Variants in TAF10 observed in about 807,000 individuals in gnomAD.
TAF10 encodes the protein transcription initiation factor TFIID subunit 10.
A neutral mutation model predicts 18.1 loss-of-function variants in TAF10; 2 were observed. The observed-to-expected ratio is 0.11, with a 90% CI of 0.05 to 0.35. TAF10 has a LOEUF of 0.35. Among genes scored for constraint, TAF10 ranks in the 10% least tolerant of loss-of-function variants. The pLI is 1.00. For synonymous variants in TAF10, 158 were observed against 134.6 expected, an observed-to-expected ratio of 1.17 and a Z score of -1.20; for missense variants, 293 against 306.9, an observed-to-expected ratio of 0.95 and a Z score of 0.34.
Position 6,610,890 on chromosome 11 carries a change from G to A in TAF10, c.*32C>T, listed in dbSNP as rs754287325. On this transcript the variant is annotated 3_prime_UTR_variant, in exon 5 of 5. Transcript: ENST00000299424. Reference sequence around the variant, plus strand: ...TGAAAACAGGCTGGTGTGGGGACATGGGGACAGATAAGTACATTTAGGTTG... The same window carrying A: ...TGAAAACAGGCTGGTGTGGGGACATAGGGACAGATAAGTACATTTAGGTTG... 6.2e-7 allele frequency: 1 copy of A among 1,609,320 alleles called. No individual in the cohort carries two copies. The highest frequency in any genetic ancestry group is 1.1e-5 in the South Asian group (1 of 90,960).
Position 6,609,974 on chromosome 11 carries a change from T to C in TAF10, c.*948A>G, listed in dbSNP as rs1241407296. On this transcript the variant is annotated 3_prime_UTR_variant, in exon 5 of 5. Transcript: ENST00000299424. ...TGACTGCCCGAATTAGCATGGCTGA[T>C]GTCAAGTTCTCTTTCCAATGTCCTG... 1 of 1,614,206 alleles carries C rather than the reference T, an allele frequency of 6.2e-7. No individual in the cohort carries two copies. The highest frequency in any genetic ancestry group is 1.7e-5 in the Admixed American group (1 of 60,032).
At chr11:6,611,845 A>C in intron 1 of TAF10, 27 bp from the exon 2 acceptor site, 1 of 1,597,940 alleles carries the variant, frequency 6.3e-7, no homozygotes, top group Non-Finnish European at 8.5e-7. Flanking sequence ...AAAATGAGAC[A>C]CAGAGGTGGG....
Position 6,608,303 on chromosome 11 carries a change from C to G in TAF10, c.*2619G>C. On this transcript the variant is annotated 3_prime_UTR_variant, in exon 5 of 5. Coordinates refer to ENST00000299424, the MANE Select transcript of TAF10 (RefSeq NM_006284.4). The surrounding 1 kb of genome is among the most constrained non-coding windows in gnomAD (Gnocchi z 4.9). ...ACATACAGTAGAAAGCATGTGTGCT[C>G]TTCCCCCTTTTCCCATGCCCTGACA... The G allele has an allele frequency of 6.4e-7, 1 of 1,559,958 alleles. No homozygotes were observed. Among genetic ancestry groups the G allele is most frequent in the Non-Finnish European group, 8.8e-7 (1 of 1,130,670 alleles).
In TAF10 at chr11:6,610,780, G is replaced by A; in HGVS notation, c.*142C>T. 7.6e-7 allele frequency: 1 copy of A among 1,322,780 alleles called. No individual in the cohort carries two copies. The highest frequency in any genetic ancestry group is 1.1e-6 in the Non-Finnish European group (1 of 931,788). The allele number at this position is 1,322,780 out of a possible 1,614,324, so 81.9% of individuals were successfully genotyped here. On this transcript the variant is annotated 3_prime_UTR_variant, in exon 5 of 5. Coordinates refer to ENST00000299424, the MANE Select transcript of TAF10 (RefSeq NM_006284.4). The stretch of plus-strand genomic sequence containing the variant: ...TCCCTACCACTGTGGCCCCAAGAGG[G>A]GCGGGCTCAGAGCTTTGTCACTTGC...
At position 6,608,069 on chromosome 11, in the gene TAF10, T is replaced by C; in HGVS notation, c.*2853A>G. On this transcript the variant is annotated 3_prime_UTR_variant, in exon 5 of 5. Coordinates refer to ENST00000299424, the MANE Select transcript of TAF10 (RefSeq NM_006284.4). This position sits in a 1 kb window ranked among gnomAD's most constrained non-coding sequence, Gnocchi z 4.9. ...AGGGACGATCATGGCTTCTCCCCCT[T>C]GCACTGGGCCTGCCGAGAGGGCCGC... 2 of 1,614,056 alleles carry C rather than the reference T, an allele frequency of 1.2e-6. No homozygotes were observed. The highest frequency in any genetic ancestry group is 1.1e-5 in the South Asian group (1 of 91,076).
rs751035884 is a variant in TAF10, at chr11:6,609,746, G to A, written c.*1176C>T. On this transcript the variant is annotated 3_prime_UTR_variant, in exon 5 of 5. Coordinates refer to ENST00000299424, the MANE Select transcript of TAF10 (RefSeq NM_006284.4). The stretch of plus-strand genomic sequence containing the variant: ...CAGATTTCGTCGTGGACCAGAGCCA[G>A]GCTGTGAAGTTTGCTTTGGACATGG... 4 of 1,614,096 alleles carry A rather than the reference G, an allele frequency of 2.5e-6. No individual in the cohort carries two copies. The African/African-American group carries it at 5.3e-5, about 22-fold the overall frequency.
At position 6,609,908 on chromosome 11, in the gene TAF10, C is replaced by T. The variant is rs1179375193; in HGVS notation, c.*1014G>A. On this transcript the variant is annotated 3_prime_UTR_variant, in exon 5 of 5. Transcript: ENST00000299424. ...AGCCCTTTGCCTATCTATGACTTAC[C>T]TCCTTCTATCTGTTTTCTCTTCCTC... 2 of 1,614,174 alleles carry T rather than the reference C, an allele frequency of 1.2e-6. No homozygotes were observed. Among genetic ancestry groups the T allele is most frequent in the South Asian group, 1.1e-5 (1 of 91,084 alleles).
Position 6,608,967 on chromosome 11 carries a change from CG to C in TAF10, c.*1954del. ...GAAGGGGACCACCCGCACTCGGCCCCGTGAGTCACCACTGTGGGAAGAAGGG... is the reference window on the plus strand; with the variant it reads ...GAAGGGGACCACCCGCACTCGGCCCCTGAGTCACCACTGTGGGAAGAAGGG... On this transcript the variant is annotated 3_prime_UTR_variant, in exon 5 of 5. Coordinates refer to ENST00000299424, the MANE Select transcript of TAF10 (RefSeq NM_006284.4). This position sits in a 1 kb window ranked among gnomAD's most constrained non-coding sequence, Gnocchi z 4.9. 1 of 1,614,088 alleles carries C rather than the reference CG, an allele frequency of 6.2e-7. No individual in the cohort carries two copies. The highest frequency in any genetic ancestry group is 8.5e-7 in the Non-Finnish European group (1 of 1,179,948).
chr11:6,610,921 C>T lies in TAF10; in HGVS notation c.*1G>A. Reference sequence around the variant, plus strand: ...AGATAAGTACATTTAGGTTGGGTGGCTCAGGTGAAGTAGTGCGGCTTCTTC... The same window carrying T: ...AGATAAGTACATTTAGGTTGGGTGGTTCAGGTGAAGTAGTGCGGCTTCTTC... On this transcript the variant is annotated 3_prime_UTR_variant, in exon 5 of 5. Transcript: ENST00000299424. 6.2e-7 allele frequency: 1 copy of T among 1,614,176 alleles called. No homozygotes were observed. The highest frequency in any genetic ancestry group is 8.5e-7 in the Non-Finnish European group (1 of 1,180,018).
Position 6,609,393 on chromosome 11 carries a change from A to G in TAF10, c.*1529T>C, listed in dbSNP as rs914470282. ...AGGAAGAGCAGGGACTTCAATGAAG[A>G]GTGTCCCCGGCTCAGGTAGTGCAAG... On this transcript the variant is annotated 3_prime_UTR_variant, in exon 5 of 5. Transcript: ENST00000299424. The G allele has an allele frequency of 6.2e-7, 1 of 1,613,850 alleles. No individual in the cohort carries two copies. The highest frequency in any genetic ancestry group is 8.5e-7 in the Non-Finnish European group (1 of 1,179,962).
Position 6,611,417 on chromosome 11 carries a change from A to G in TAF10, c.423T>C (p.Arg141=). 6.2e-7 allele frequency: 1 copy of G among 1,614,198 alleles called. No individual in the cohort carries two copies. ...GTGGGTCTGAGGCCTCAAAGCCAGCACGGTTCAGGTAGTAACCAGTCACTG... is the reference window on the plus strand; with the variant it reads ...GTGGGTCTGAGGCCTCAAAGCCAGCGCGGTTCAGGTAGTAACCAGTCACTG... ...PDAVTGYYLN[R]AGFEASDPRI... The change falls in exon 3 of 5, where the codon CGT becomes CGC. Residue 141 remains arginine (R), a synonymous_variant. Coordinates refer to ENST00000299424, the MANE Select transcript of TAF10 (RefSeq NM_006284.4).
Position 6,608,823 on chromosome 11 carries a change from T to C in TAF10, c.*2099A>G. ...TCCCCATCCCCTAGCTTGTGTCCTC[T>C]CGTCCCTTCCCACCTGTCTTCTCCC... On this transcript the variant is annotated 3_prime_UTR_variant, in exon 5 of 5. Transcript: ENST00000299424. This position sits in a 1 kb window ranked among gnomAD's most constrained non-coding sequence, Gnocchi z 4.9. The C allele has an allele frequency of 6.2e-7, 1 of 1,612,780 alleles. No individual in the cohort carries two copies. Among genetic ancestry groups the C allele is most frequent in the South Asian group, 1.1e-5 (1 of 91,064 alleles).
rs374150673 is a variant in TAF10 at position 6,610,296 on chromosome 11, T to C, written c.*626A>G. On this transcript the variant is annotated 3_prime_UTR_variant, in exon 5 of 5. Transcript: ENST00000299424. ...GAATGAAGGTGAGAGCACAACAGCA[T>C]ACATTTGTGTTGCGGGAGTGGTTGG... 4.3e-6 allele frequency: 7 copies of C among 1,614,010 alleles called. No homozygotes were observed. Among genetic ancestry groups the C allele is most frequent in the African/African-American group, 4.0e-5 (3 of 74,946 alleles).
rs1855377366 is a variant in TAF10 at position 6,610,354 on chromosome 11, T to A, written c.*568A>T. ...GAAAATAACTGTAGTGGGCCTTGGC[T>A]CCTCACATATTTGTTCGGATATACA... On this transcript the variant is annotated 3_prime_UTR_variant, in exon 5 of 5. Transcript: ENST00000299424. 6.2e-7 allele frequency: 1 copy of A among 1,613,038 alleles called. No individual in the cohort carries two copies. The highest frequency in any genetic ancestry group is 1.7e-5 in the Admixed American group (1 of 60,008).
Position 6,611,018 on chromosome 11 carries a change from G to T in TAF10, c.568-7C>A. On this transcript the variant is annotated splice_polypyrimidine_tract_variant and splice_region_variant and intron_variant, in intron 4 of 4. Transcript: ENST00000299424. ...TTAGAGTGTACTTGCGGTCCTGAGG[G>T]AAGAGGGAAGAGCACCAACTGAGCA... 15 of 1,613,832 alleles carry T rather than the reference G, an allele frequency of 9.3e-6. No individual in the cohort carries two copies. The highest frequency in any genetic ancestry group is 1.2e-5 in the Non-Finnish European group (14 of 1,179,944).
At position 6,608,109 on chromosome 11, in the gene TAF10, G is replaced by C; in HGVS notation, c.*2813C>G. 2 of 1,614,198 alleles carry C rather than the reference G, an allele frequency of 1.2e-6. No homozygotes were observed. Among genetic ancestry groups the C allele is most frequent in the South Asian group, 2.2e-5 (2 of 91,088 alleles). Reference sequence around the variant, plus strand: ...GAGAGGGCCGCTCTGCTGTGGTTGAGATGTTGATCATGCGGGGGGCACGGA... The same window carrying C: ...GAGAGGGCCGCTCTGCTGTGGTTGACATGTTGATCATGCGGGGGGCACGGA... On this transcript the variant is annotated 3_prime_UTR_variant, in exon 5 of 5. Transcript: ENST00000299424. The surrounding 1 kb of genome is among the most constrained non-coding windows in gnomAD (Gnocchi z 4.9).
Position 6,610,797 on chromosome 11 carries a change from G to C in TAF10, c.*125C>G. The C allele has an allele frequency of 7.3e-7, 1 of 1,364,052 alleles. No individual in the cohort carries two copies. The highest frequency in any genetic ancestry group is 1.0e-6 in the Non-Finnish European group (1 of 966,556). The allele number at this position is 1,364,052 out of a possible 1,614,324, so 84.5% of individuals were successfully genotyped here. On this transcript the variant is annotated 3_prime_UTR_variant, in exon 5 of 5. Coordinates refer to ENST00000299424, the MANE Select transcript of TAF10 (RefSeq NM_006284.4). ...CCAAGAGGGGCGGGCTCAGAGCTTT[G>C]TCACTTGCCACATGGTGTCTCCCAA...
rs776120061 is a variant in TAF10, at chr11:6,608,161, A to AC, written c.*2760dup. On this transcript the variant is annotated 3_prime_UTR_variant, in exon 5 of 5. Coordinates refer to ENST00000299424, the MANE Select transcript of TAF10 (RefSeq NM_006284.4). This position sits in a 1 kb window ranked among gnomAD's most constrained non-coding sequence, Gnocchi z 4.9. The stretch of plus-strand genomic sequence containing the variant: ...CAATGTAATGAACCGTGGGGATGAC[A>AC]CCCCCCTGCATCTGGCAGCCAGTCA... The AC allele has an allele frequency of 6.2e-6, 10 of 1,613,562 alleles. No individual in the cohort carries two copies. Among genetic ancestry groups the AC allele is most frequent in the East Asian group, 2.2e-5 (1 of 44,874 alleles).
chr11:6,610,714 C>G lies in TAF10; in HGVS notation c.*208G>C. On this transcript the variant is annotated 3_prime_UTR_variant, in exon 5 of 5. Coordinates refer to ENST00000299424, the MANE Select transcript of TAF10 (RefSeq NM_006284.4). ...TCTGGTTGCCTCCCCCGCCTCCAGT[C>G]ATGGTACTACCCCAGCCATGGGGTC... The G allele has an allele frequency of 2.1e-6, 3 of 1,448,580 alleles. No homozygotes were observed. In the South Asian group the frequency reaches 3.5e-5, roughly 17 times the overall value. 89.7% of individuals were successfully genotyped at this position (1,448,580 alleles called of 1,614,324 possible).
Sources: gnomAD v4.1 joint callset for allele counts on GRCh38, gnomAD v4.1.1 for gene constraint, Gnocchi (gnomAD v3.1) non-coding constraint, MANE v1.5 for transcripts, NCBI Gene and HGNC (gene_info 2026-07-23, HGNC 2026-07-21) for gene names.